Variants in FHIT observed in about 807,000 individuals in gnomAD.
The protein encoded by FHIT is fragile histidine triad diadenosine triphosphatase.
FHIT carries 19 observed loss-of-function variants against 17.9 expected under a neutral mutation model. The observed-to-expected ratio is 1.06, with a 90% CI of 0.74 to 1.56. The LOEUF (loss-of-function observed/expected upper bound fraction) is 1.56, where lower values mean the gene tolerates loss of function less well. FHIT is among the 40% of genes most tolerant of loss of function. The pLI is 0.00. For synonymous variants in FHIT, 81 were observed against 69.7 expected, an observed-to-expected ratio of 1.16 and a Z score of -0.81; for missense variants, 248 against 189.2, an observed-to-expected ratio of 1.31 and a Z score of -1.82.
chr3:61,103,558 T>A (rs1478993181), intron 2 of FHIT, among the ~76,000 whole-genome samples: 1 of 152,204 alleles, frequency 6.6e-6, no homozygotes, highest in Non-Finnish European at 1.5e-5. Context: ...GTTCTGTAGA[T>A]GTCTATTAGG....
chr3:59,817,385 T>TG (rs1700636666), intron 8 of FHIT, among the ~76,000 whole-genome samples: 1 of 151,620 alleles, frequency 6.6e-6, no homozygotes, highest in Non-Finnish European at 1.5e-5. Context: ...AACGGGTGTG[T>TG]GGAACTGTCC....
At chr3:60,771,684 C>T (rs542448666) in intron 4 of FHIT, among the ~76,000 whole-genome samples, 2 of 152,230 alleles carry the variant, frequency 1.3e-5, no homozygotes, top group South Asian at 4.1e-4. Flanking sequence ...TTTATTGATG[C>T]AGTAATTAAA....
At chr3:61,156,664 C>T (rs1443608950) in intron 2 of FHIT, among the ~76,000 whole-genome samples, 1 of 152,180 alleles carries the variant, frequency 6.6e-6, no homozygotes, top group African/African-American at 2.4e-5. Context: ...TTGCATTACA[C>T]TCATTCATTC....
chr3:60,709,395 C>A (rs974275136), intron 4 of FHIT, among the ~76,000 whole-genome samples: 1 of 152,040 alleles, frequency 6.6e-6, no homozygotes, highest in Non-Finnish European at 1.5e-5. Context: ...ATTTTAATAG[C>A]CTTTTCAAAT....
chr3:61,049,851 G>A (rs989641185), intron 2 of FHIT, among the ~76,000 whole-genome samples: 7 of 152,118 alleles, frequency 4.6e-5, no homozygotes, highest in African/African-American at 1.7e-4. Context: ...GTCCCCTGGA[G>A]CAGGTCATAA....
At chr3:61,191,149 A>C (rs960943095) in intron 2 of FHIT, among the ~76,000 whole-genome samples, 8 of 152,190 alleles carry the variant, frequency 5.3e-5, no homozygotes, top group Non-Finnish European at 2.9e-5. Flanking sequence ...TGTGCTGGTT[A>C]ATTTTCTGTG....
rs1451935578 is a variant in FHIT at position 59,748,978 on chromosome 3, T to A, written c.*607A>T. 2.0e-5 allele frequency among the ~76,000 whole-genome samples: 3 copies of A among 152,200 alleles called. No individual in the cohort carries two copies. In the South Asian group the frequency reaches 6.2e-4, roughly 32 times the overall value. Reference sequence around the variant, plus strand: ...AGTTTTGCAGAGTGAGCACCATGAATGTCTTTAAACTTGCTCTGCCTAAGA... The same window carrying A: ...AGTTTTGCAGAGTGAGCACCATGAAAGTCTTTAAACTTGCTCTGCCTAAGA... On this transcript the variant is annotated 3_prime_UTR_variant, in exon 10 of 10. Coordinates refer to ENST00000492590, the MANE Select transcript of FHIT (RefSeq NM_002012.4).
chr3:59,778,591 C>A (rs1575479291), intron 8 of FHIT, among the ~76,000 whole-genome samples: 1 of 152,166 alleles, frequency 6.6e-6, no homozygotes, highest in Non-Finnish European at 1.5e-5. Flanking sequence ...AGCCACAGAT[C>A]ATACACAGAC....
chr3:60,932,005 T>G (rs1707979818), intron 3 of FHIT, among the ~76,000 whole-genome samples: 1 of 152,190 alleles, frequency 6.6e-6, no homozygotes, highest in South Asian at 2.1e-4. Context: ...TAGAGAACTT[T>G]TCAAGTCTAA....
chr3:59,760,632 A>C (rs1453880242), intron 8 of FHIT, among the ~76,000 whole-genome samples: 1 of 152,006 alleles, frequency 6.6e-6, no homozygotes, highest in East Asian at 1.9e-4. Flanking sequence ...GCCTGTTAGG[A>C]GCATCTCAGC....
intron 4 of FHIT, among the ~76,000 whole-genome samples, chr3:60,762,522 C>T (rs17063933): frequency 0.17 from 25,134 of 152,110 alleles, 3,225 homozygotes; most frequent in African/African-American, 0.36. Flanking sequence ...AACTGTGTCC[C>T]GCTGGCACTT....
intron 4 of FHIT, among the ~76,000 whole-genome samples, chr3:60,610,203 A>C (rs1447980876): frequency 6.6e-6 from 1 of 152,172 alleles, no homozygotes; most frequent in Non-Finnish European, 1.5e-5. Context: ...AGAGTTAAAA[A>C]ATGCCTTTTT....
At chr3:60,348,703 C>G (rs906209780) in intron 5 of FHIT, among the ~76,000 whole-genome samples, 2 of 152,210 alleles carry the variant, frequency 1.3e-5, no homozygotes, top group African/African-American at 4.8e-5. Flanking sequence ...TGCATCCTGA[C>G]TCACCTTTGG....
At chr3:61,122,353 C>T (rs938167801) in intron 2 of FHIT, among the ~76,000 whole-genome samples, 7 of 152,104 alleles carry the variant, frequency 4.6e-5, no homozygotes, top group African/African-American at 1.7e-4. Context: ...CAAAAATTAA[C>T]TCAAGATGGA....
intron 4 of FHIT, among the ~76,000 whole-genome samples, 191 bp from the exon 5 acceptor site, chr3:60,537,170 C>A (rs1280633440): frequency 6.6e-6 from 1 of 152,044 alleles, no homozygotes; most frequent in Non-Finnish European, 1.5e-5. Flanking sequence ...ACTCTCCCTA[C>A]CAGTGTTTCC....
At chr3:59,833,925 G>A (rs1701252008) in intron 8 of FHIT, among the ~76,000 whole-genome samples, 2 of 152,156 alleles carry the variant, frequency 1.3e-5, no homozygotes, top group African/African-American at 2.4e-5. Context: ...GAAGGTGCCT[G>A]CATCTCCTTT....
intron 5 of FHIT, among the ~76,000 whole-genome samples, chr3:60,032,272 C>A (rs1701032381): frequency 6.6e-6 from 1 of 151,784 alleles, no homozygotes; most frequent in Non-Finnish European, 1.5e-5. Context: ...CCAGCCTGGG[C>A]AAAGTAGTGA....
intron 7 of FHIT, among the ~76,000 whole-genome samples, chr3:59,990,944 T>C (rs1260766082): frequency 0.013 from 4 of 318 alleles, no homozygotes; most frequent in African/African-American, 0.024. Context: ...AAAGAAGGAC[T>C]CTATAGAGTT....
At chr3:60,374,379 C>T (rs1011090324) in intron 5 of FHIT, among the ~76,000 whole-genome samples, 11 of 151,566 alleles carry the variant, frequency 7.3e-5, no homozygotes, top group South Asian at 2.1e-4. Flanking sequence ...TAATTTCCTC[C>T]GCTGCTAATG....
Sources: allele counts gnomAD v4.1 joint callset (sites outside exome capture counted in the v4.1 genomes callset), GRCh38; gene constraint gnomAD v4.1.1; transcripts MANE v1.5; gene names NCBI Gene and HGNC (gene_info 2026-07-23, HGNC 2026-07-21).